HIGD2B: variants seen among roughly 807,000 people sequenced by gnomAD.
HIGD2B encodes the protein HIG1 domain family member 2B.
For synonymous variants in HIGD2B, 45 were observed against 28.1 expected (o/e 1.60, Z -1.90); for missense variants, 106 against 67.0 (o/e 1.58, Z -2.03).
intron 1 of HIGD2B, among the ~76,000 whole-genome samples, chr15:72,681,033 C>T (rs367878567): frequency 6.6e-5 from 10 of 152,192 alleles, no homozygotes; most frequent in African/African-American, 2.4e-4. Context: ...CTTGTTACTG[C>T]CTTGTTTATG....
chr15:72,682,001 C>T lies in HIGD2B; in HGVS notation c.-192-1808G>A, dbSNP rs78171319. 3.9e-3 allele frequency among the ~76,000 whole-genome samples: 594 copies of T among 152,286 alleles called. 7 individuals carry two copies. Among genetic ancestry groups the T allele is most frequent in the African/African-American group, 0.014 (573 of 41,554 alleles). On this transcript the variant is annotated intron_variant, in intron 1 of 2. Transcript: ENST00000311755. ...CTACCTTGATTATAGACGCAAGTCA[C>T]TGGGCCTTGGGATTATAGACGCGAG...
In HIGD2B at chr15:72,685,972, G is replaced by A; in HGVS notation, c.-347C>T. The A allele has an allele frequency of 1.7e-6, 1 of 593,174 alleles. No homozygotes were observed. Among genetic ancestry groups the A allele is most frequent in the Non-Finnish European group, 3.0e-6 (1 of 332,040 alleles). 36.7% of individuals were successfully genotyped at this position (593,174 alleles called of 1,614,324 possible). A position where few individuals can be genotyped will look rare whatever the true frequency, so the allele number is the denominator to read the frequency against. ...CAGCGCGGCCGGAGGTACAGACCATGTACAGACCACGGCGAGGGGTGTTAG... is the reference window on the plus strand; with the variant it reads ...CAGCGCGGCCGGAGGTACAGACCATATACAGACCACGGCGAGGGGTGTTAG... On this transcript the variant is annotated 5_prime_UTR_variant, in exon 1 of 3. Coordinates refer to ENST00000311755, the MANE Select transcript of HIGD2B (RefSeq NM_001350932.3).
chr15:72,684,035 C>T (rs192020301), intron 1 of HIGD2B, among the ~76,000 whole-genome samples: 1 of 151,618 alleles, frequency 6.6e-6, no homozygotes, highest in African/African-American at 2.4e-5. Context: ...GTGACTGGTG[C>T]CTGTAATCCT....
At chr15:72,679,002 A>G (rs1354802932) in intron 2 of HIGD2B, among the ~76,000 whole-genome samples, 1 of 150,128 alleles carries the variant, frequency 6.7e-6, no homozygotes, top group Admixed American at 6.8e-5. Context: ...TTGTCTCAAA[A>G]ATAGAAAAGA....
In HIGD2B at chr15:72,686,095, A is replaced by T. The variant is rs992824392; in HGVS notation, c.-470T>A. The stretch of plus-strand genomic sequence containing the variant: ...GGAGCAGACCCTAATCCTCCCCCTG[A>T]TTCCTTAGGTCACTCGGCGATTTAC... On this transcript the variant is annotated 5_prime_UTR_variant, in exon 1 of 3. Transcript: ENST00000311755. 2.8e-5 allele frequency: 26 copies of T among 943,534 alleles called. No individual in the cohort carries two copies. The East Asian group carries it at 4.7e-4, about 17-fold the overall frequency. 58.4% of individuals were successfully genotyped at this position (943,534 alleles called of 1,614,324 possible).
Position 72,685,905 on chromosome 15 carries a change from C to T in HIGD2B, c.-280G>A, listed in dbSNP as rs543157147. ...TTAGAGTCAGGGCAGGGTAAGGTGG[C>T]GGGAGAACTAGGCTGCCATCCCAGG... is the stretch of plus-strand genomic sequence containing the variant. On this transcript the variant is annotated 5_prime_UTR_variant, in exon 1 of 3. Coordinates refer to ENST00000311755, the MANE Select transcript of HIGD2B (RefSeq NM_001350932.3). The T allele has an allele frequency of 4.6e-5, 23 of 502,646 alleles. No individual in the cohort carries two copies. In the Admixed American group the frequency reaches 5.5e-4, roughly 12 times the overall value. The allele number at this position is 502,646 out of a possible 1,614,324, so 31.1% of individuals were successfully genotyped here.
rs370597427 is a variant in HIGD2B, at chr15:72,676,407, GT to G, written c.-13-21del. On this transcript the variant is annotated intron_variant, in intron 2 of 2. Coordinates refer to ENST00000311755, the MANE Select transcript of HIGD2B (RefSeq NM_001350932.3). Reference sequence around the variant, plus strand: ...CCACAGCTGCAGGAGAAAATCCTTTGTTTTTTTTTTTTTTTGAGAAGGAGTC... The same window carrying G: ...CCACAGCTGCAGGAGAAAATCCTTTGTTTTTTTTTTTTTTGAGAAGGAGTC... 0.03 allele frequency: 17,941 copies of G among 600,594 alleles called. 157 individuals carry two copies. The highest frequency in any genetic ancestry group is 0.096 in the African/African-American group (4,833 of 50,224). The allele number at this position is 600,594 out of a possible 1,614,324, so 37.2% of individuals were successfully genotyped here. A position where few individuals can be genotyped will look rare whatever the true frequency, so the allele number is the denominator to read the frequency against.
chr15:72,686,096 T>G lies in HIGD2B; in HGVS notation c.-471A>C. On this transcript the variant is annotated 5_prime_UTR_variant, in exon 1 of 3. Transcript: ENST00000311755. ...GAGCAGACCCTAATCCTCCCCCTGA[T>G]TCCTTAGGTCACTCGGCGATTTACT... The G allele has an allele frequency of 1.1e-6, 1 of 947,204 alleles. No individual in the cohort carries two copies. The highest frequency in any genetic ancestry group is 1.6e-6 in the Non-Finnish European group (1 of 610,792). 58.7% of individuals were successfully genotyped at this position (947,204 alleles called of 1,614,324 possible). A position where few individuals can be genotyped will look rare whatever the true frequency, so the allele number is the denominator to read the frequency against.
intron 2 of HIGD2B, among the ~76,000 whole-genome samples, chr15:72,679,340 G>A (rs182435037): frequency 1.4e-4 from 21 of 146,118 alleles, no homozygotes; most frequent in African/African-American, 4.8e-4. Context: ...ACTCCAGCCT[G>A]GGCAACAAGC....
chr15:72,678,134 A>T (rs780755435), intron 2 of HIGD2B, among the ~76,000 whole-genome samples: 4 of 152,158 alleles, frequency 2.6e-5, no homozygotes, highest in Non-Finnish European at 5.9e-5. Flanking sequence ...TTTCTAAAAC[A>T]CTTAAGCTAC....
At chr15:72,683,429 C>A (rs1384593758) in intron 1 of HIGD2B, among the ~76,000 whole-genome samples, 20 of 123,986 alleles carry the variant, frequency 1.6e-4, no homozygotes, top group Admixed American at 1.1e-4. Context: ...ATATTAGCTT[C>A]AATTCCTCCT....
intron 1 of HIGD2B, among the ~76,000 whole-genome samples, chr15:72,685,034 A>T (rs2064799000): frequency 6.6e-6 from 1 of 152,202 alleles, no homozygotes; most frequent in African/African-American, 2.4e-5. Flanking sequence ...AAGGCAGAGT[A>T]TTTATCTGAA....
intron 1 of HIGD2B, among the ~76,000 whole-genome samples, chr15:72,683,564 GGGCGGGGT>G (rs1363372628): frequency 1.3e-5 from 2 of 151,858 alleles, no homozygotes; most frequent in Non-Finnish European, 2.9e-5. Context: ...GCTGTGGGTT[GGGCGGGGT>G]GGCTCACGCC....
At chr15:72,677,157 T>C (rs1296971314) in intron 2 of HIGD2B, among the ~76,000 whole-genome samples, 1 of 152,064 alleles carries the variant, frequency 6.6e-6, no homozygotes, top group African/African-American at 2.4e-5. Flanking sequence ...AGGCCAGGGG[T>C]GGTGGCTCAC....
In HIGD2B at chr15:72,680,059, T is replaced by TG. The variant is rs1277803818; in HGVS notation, c.-59_-58insC. On this transcript the variant is annotated 5_prime_UTR_variant, in exon 2 of 3. An upstream open reading frame in the 5' UTR loses its in-frame stop. Coordinates refer to ENST00000311755, the MANE Select transcript of HIGD2B (RefSeq NM_001350932.3). ...CAACAGAGTTCTCCCGACGAATGTC[T>TG]TCATATTCCTCATAGATTCCCTGCT... 3 of 472,348 alleles carry TG rather than the reference T, an allele frequency of 6.4e-6. No individual in the cohort carries two copies. The highest frequency in any genetic ancestry group is 2.1e-5 in the African/African-American group (1 of 48,512). 29.3% of individuals were successfully genotyped at this position (472,348 alleles called of 1,614,324 possible). A position where few individuals can be genotyped will look rare whatever the true frequency, so the allele number is the denominator to read the frequency against.
chr15:72,680,097 A>G lies in HIGD2B; in HGVS notation c.-96T>C, dbSNP rs2064733303. 1 of 336,950 alleles carries G rather than the reference A, an allele frequency of 3.0e-6. No individual in the cohort carries two copies. Among genetic ancestry groups the G allele is most frequent in the Non-Finnish European group, 4.9e-6 (1 of 203,506 alleles). 20.9% of individuals were successfully genotyped at this position (336,950 alleles called of 1,614,324 possible). A position where few individuals can be genotyped will look rare whatever the true frequency, so the allele number is the denominator to read the frequency against. ...TAGATTCCCTGCTTTTGCCTGGGCAAAATAGTCCATCAACCAAAGTTTAGG... is the reference window on the plus strand; with the variant it reads ...TAGATTCCCTGCTTTTGCCTGGGCAGAATAGTCCATCAACCAAAGTTTAGG... On this transcript the variant is annotated 5_prime_UTR_variant, in exon 2 of 3. Coordinates refer to ENST00000311755, the MANE Select transcript of HIGD2B (RefSeq NM_001350932.3).
rs138689727 is a variant in HIGD2B, at chr15:72,681,362, T to G, written c.-192-1169A>C. On this transcript the variant is annotated intron_variant, in intron 1 of 2. Transcript: ENST00000311755. ...AACTCTCATGGCATGGCAGGATCCA[T>G]GGAGGTGGCCACATCTCCCTTTTTT... Among the ~76,000 whole-genome samples, 349 of 152,314 alleles carry G rather than the reference T, an allele frequency of 2.3e-3. 1 individual carries two copies. Among genetic ancestry groups the G allele is most frequent in the African/African-American group, 8.2e-3 (342 of 41,566 alleles).
Position 72,676,356 on chromosome 15 carries a change from C to G in HIGD2B, c.19G>C (p.Val7Leu). 1 of 757,528 alleles carries G rather than the reference C, an allele frequency of 1.3e-6. No homozygotes were observed. Among genetic ancestry groups the G allele is most frequent in the South Asian group, 1.4e-5 (1 of 73,526 alleles). 46.9% of individuals were successfully genotyped at this position (757,528 alleles called of 1,614,324 possible). A position where few individuals can be genotyped will look rare whatever the true frequency, so the allele number is the denominator to read the frequency against. ...GATTCAAAGGGGGCCTCCGGAGTCA[C>G]AAAGCCGAGAGTCGCCATGCCTAGG... MATLGF[V>L]TPEAPFESSK... The change falls in exon 3 of 3, where the codon GTG becomes CTG. Residue 7 changes from valine to leucine, a missense_variant. Transcript: ENST00000311755.
At position 72,676,393 on chromosome 15, in the gene HIGD2B, G is replaced by A; in HGVS notation, c.-13-6C>T. On this transcript the variant is annotated splice_polypyrimidine_tract_variant and splice_region_variant and intron_variant, in intron 2 of 2. Transcript: ENST00000311755. Reference sequence around the variant, plus strand: ...TCGCCATGCCTAGGCCACAGCTGCAGGAGAAAATCCTTTGTTTTTTTTTTT... The same window carrying A: ...TCGCCATGCCTAGGCCACAGCTGCAAGAGAAAATCCTTTGTTTTTTTTTTT... The A allele has an allele frequency of 1.4e-6, 1 of 703,100 alleles. No individual in the cohort carries two copies. The highest frequency in any genetic ancestry group is 2.4e-4 in the Middle Eastern group (1 of 4,198). The allele number at this position is 703,100 out of a possible 1,614,324, so 43.6% of individuals were successfully genotyped here.
Sources: allele counts gnomAD v4.1 joint callset (sites outside exome capture counted in the v4.1 genomes callset), GRCh38; gene constraint gnomAD v4.1.1; transcripts MANE v1.5; gene names NCBI Gene and HGNC (gene_info 2026-07-23, HGNC 2026-07-21).